The following C17orf99 variants were observed in gnomAD, a reference collection of about 807,000 sequenced individuals.
The protein encoded by C17orf99 is protein IL-40.
A neutral mutation model predicts 22.6 loss-of-function variants in C17orf99; 18 were observed. The observed-to-expected ratio is 0.80, with a 90% CI of 0.55 to 1.18. The LOEUF is 1.18. Among genes scored for constraint, C17orf99 ranks in the 50% most tolerant of loss-of-function variants. The probability of loss-of-function intolerance (pLI) is 0.00; values close to 1 mark genes in which losing one functional copy is unlikely to be tolerated. For synonymous variants in C17orf99, 147 were observed against 136.6 expected (o/e 1.08, Z -0.53); for missense variants, 328 against 342.7 (o/e 0.96, Z 0.34).
At chr17:78,148,949 G>T (rs1046218845) in intron 2 of C17orf99, among the ~76,000 whole-genome samples, 1 of 152,166 alleles carries the variant, frequency 6.6e-6, no homozygotes, top group African/African-American at 2.4e-5. Flanking sequence ...TGCGGGAGAG[G>T]CAGGGAGATG....
chr17:78,150,129 C>T (rs2075469908), intron 2 of C17orf99, among the ~76,000 whole-genome samples: 1 of 152,168 alleles, frequency 6.6e-6, no homozygotes. Context: ...CCGCCTCAGC[C>T]TCCAGAGTAA....
intron 3 of C17orf99, among the ~76,000 whole-genome samples, chr17:78,163,816 A>G (rs1160592845): frequency 6.6e-6 from 1 of 152,142 alleles, no homozygotes; most frequent in East Asian, 1.9e-4. Context: ...CAGTGAGCCT[A>G]GATCGCGCCA....
At chr17:78,164,809 A>G (rs1398772572) in intron 4 of C17orf99, 25 of 1,235,424 alleles carry the variant, frequency 2.0e-5, no homozygotes, top group Non-Finnish European at 2.5e-5. Flanking sequence ...CCGCTTACGC[A>G]TGACTCGAAG....
At chr17:78,147,709 G>C (rs1474150728) in intron 2 of C17orf99, among the ~76,000 whole-genome samples, 4 of 152,186 alleles carry the variant, frequency 2.6e-5, no homozygotes, top group Non-Finnish European at 5.9e-5. Context: ...TTTTGCTAAA[G>C]GGCAGGTACA....
chr17:78,164,528 A>G, intron 4 of C17orf99, 164 bp downstream of exon 4: 1 of 1,536,088 alleles, frequency 6.5e-7, no homozygotes, highest in African/African-American at 1.4e-5. Context: ...GCCCCTGCCT[A>G]AAGGAAGCCC....
Position 78,161,152 on chromosome 17 carries a change from A to G in C17orf99, c.268A>G (p.Lys90Glu). 1 of 1,551,764 alleles carries G rather than the reference A, an allele frequency of 6.4e-7. No individual in the cohort carries two copies. The highest frequency in any genetic ancestry group is 1.4e-5 in the African/African-American group (1 of 73,140). ...CTCCTTCAACCTCAACGTCACACTC[A>G]AGTCCAGTCCAGACCTGCTCACCTA... ...PASFNLNVTL[K>E]SSPDLLTYFC... The change falls in exon 3 of 5, where the codon AAG becomes GAG. Residue 90 changes from lysine to glutamate, a missense_variant. Coordinates refer to ENST00000340363, the MANE Select transcript of C17orf99 (RefSeq NM_001163075.2).
At chr17:78,157,324 T>TCAG (rs2075533817) in intron 2 of C17orf99, 3 of 582,254 alleles carry the variant, frequency 5.2e-6, no homozygotes, top group East Asian at 1.2e-4. Context: ...AGACCTGTGT[T>TCAG]CAGCAGCGGC....
rs377056730 is a variant in C17orf99, at chr17:78,162,973, C to T, written c.371-1122C>T. On this transcript the variant is annotated intron_variant, in intron 3 of 4. Coordinates refer to ENST00000340363, the MANE Select transcript of C17orf99 (RefSeq NM_001163075.2). Reference sequence around the variant, plus strand: ...CTAATTTTTGTATTTTTAGTAGACACGGGGTTTCACCATGTTGGCCAGGCT... The same window carrying T: ...CTAATTTTTGTATTTTTAGTAGACATGGGGTTTCACCATGTTGGCCAGGCT... Among the ~76,000 whole-genome samples the T allele has an allele frequency of 4.1e-4, 63 of 152,172 alleles. No homozygotes were observed. The East Asian group carries it at 5.0e-3, about 12-fold the overall frequency.
chr17:78,150,006 GA>G (rs1449008552), intron 2 of C17orf99, among the ~76,000 whole-genome samples: 1 of 149,960 alleles, frequency 6.7e-6, no homozygotes, highest in Non-Finnish European at 1.5e-5. Context: ...ACCACGCCCG[GA>G]AGCTAATTTT....
chr17:78,160,418 C>G (rs2075564048), intron 2 of C17orf99, among the ~76,000 whole-genome samples: 1 of 151,884 alleles, frequency 6.6e-6, no homozygotes, highest in Non-Finnish European at 1.5e-5. Context: ...CGCCTGCAGT[C>G]CCAGCTATTC....
chr17:78,148,223 A>G (rs1385050578), intron 2 of C17orf99, among the ~76,000 whole-genome samples: 1 of 151,494 alleles, frequency 6.6e-6, no homozygotes, highest in Non-Finnish European at 1.5e-5. Flanking sequence ...ATCTCTTAAA[A>G]AAAAAAAAAG....
At chr17:78,162,107 C>A (rs185915626) in intron 3 of C17orf99, among the ~76,000 whole-genome samples, 41 of 151,474 alleles carry the variant, frequency 2.7e-4, no homozygotes, top group African/African-American at 9.2e-4. Context: ...GAAACCCCAT[C>A]TCTACTAAAA....
chr17:78,151,956 A>C (rs1488229487), intron 2 of C17orf99, among the ~76,000 whole-genome samples: 1 of 152,092 alleles, frequency 6.6e-6, no homozygotes, highest in Admixed American at 6.6e-5. Context: ...GAGGGGTAGC[A>C]CAATCTGGAA....
chr17:78,149,481 T>C (rs1294721638), intron 2 of C17orf99, among the ~76,000 whole-genome samples: 2 of 152,042 alleles, frequency 1.3e-5, no homozygotes, highest in Middle Eastern at 3.2e-3. Context: ...GTGAAGGACC[T>C]GAGGGATCAG....
intron 2 of C17orf99, chr17:78,158,757 C>CG (rs2075549344): frequency 6.0e-6 from 1 of 166,282 alleles, no homozygotes; most frequent in Admixed American, 6.5e-5. Flanking sequence ...CAGCCCTGCT[C>CG]GGGGAGAAGG....
chr17:78,159,816 A>T (rs2075558966), intron 2 of C17orf99, among the ~76,000 whole-genome samples: 1 of 152,110 alleles, frequency 6.6e-6, no homozygotes, highest in African/African-American at 2.4e-5. Context: ...ACATGGAATC[A>T]TGCAACCGTT....
rs1041014856 is a variant in C17orf99 at position 78,146,627 on chromosome 17, T to C, written c.37+183T>C. ...CCAGCCCCTAAACTTGCTGTATATG[T>C]GGTCCAGGGATTTCTGCACCATTCT... is the stretch of plus-strand genomic sequence containing the variant. On this transcript the variant is annotated intron_variant, in intron 1 of 4. Transcript: ENST00000340363. This position sits in a 1 kb window ranked among gnomAD's most constrained non-coding sequence, Gnocchi z 5.2. 5.3e-5 allele frequency among the ~76,000 whole-genome samples: 8 copies of C among 152,068 alleles called. No homozygotes were observed. The highest frequency in any genetic ancestry group is 1.2e-4 in the Non-Finnish European group (8 of 68,000).
At chr17:78,153,211 A>G (rs2075499158) in intron 2 of C17orf99, among the ~76,000 whole-genome samples, 2 of 152,060 alleles carry the variant, frequency 1.3e-5, no homozygotes, top group Middle Eastern at 3.4e-3. Context: ...GCGGCCGGGG[A>G]CGGTGGCTCA....
chr17:78,164,739 A>C, intron 4 of C17orf99: 1 of 1,316,706 alleles, frequency 7.6e-7, no homozygotes, highest in Non-Finnish European at 9.9e-7. Flanking sequence ...CCCTGGCTGC[A>C]GAGCTCAGGT....
Sources: allele counts gnomAD v4.1 joint callset (sites outside exome capture counted in the v4.1 genomes callset), GRCh38; gene constraint gnomAD v4.1.1; non-coding constraint Gnocchi (gnomAD v3.1); transcripts MANE v1.5; gene names NCBI Gene and HGNC (gene_info 2026-07-23, HGNC 2026-07-21).